The following SECISBP2L variants were observed in gnomAD, a reference collection of about 807,000 sequenced individuals.
The protein encoded by SECISBP2L is selenocysteine insertion sequence-binding protein 2-like.
A neutral mutation model predicts 114.7 loss-of-function variants in SECISBP2L; 43 were observed. The observed-to-expected ratio is 0.38, with a 90% confidence interval of 0.29 to 0.48. The LOEUF is 0.48. Ranked by LOEUF, SECISBP2L falls within the 20% of genes least tolerant of loss-of-function variation. The pLI, the probability that SECISBP2L is intolerant of heterozygous loss-of-function variation, is 0.98. For synonymous variants in SECISBP2L, 451 were observed against 439.7 expected, an observed-to-expected ratio of 1.03 and a Z score of -0.32; for missense variants, 1,136 against 1,301.1, an observed-to-expected ratio of 0.87 and a Z score of 1.95.
At chr15:49,017,417 G>C in intron 9 of SECISBP2L, 131 bp downstream of exon 9, 1 of 617,982 alleles carries the variant, frequency 1.6e-6, no homozygotes, top group Non-Finnish European at 2.8e-6. Flanking sequence ...ATTAAAGATA[G>C]GTACTAAACA....
chr15:49,046,217 C>G, intron 1 of SECISBP2L, 59 bp downstream of exon 1: 1 of 1,555,606 alleles, frequency 6.4e-7, no homozygotes, highest in Non-Finnish European at 8.7e-7. Flanking sequence ...TGGGCCTGGC[C>G]TGTGAGGAAG....
intron 2 of SECISBP2L, among the ~76,000 whole-genome samples, chr15:49,036,126 C>G (rs1448352478): frequency 6.6e-6 from 1 of 152,150 alleles, no homozygotes; most frequent in Non-Finnish European, 1.5e-5. Flanking sequence ...AATCTCAGAG[C>G]CTCCTACTCC....
chr15:49,038,487 TAAAGA>T (rs919273776), intron 1 of SECISBP2L, among the ~76,000 whole-genome samples: 3 of 148,164 alleles, frequency 2.0e-5, no homozygotes, highest in Non-Finnish European at 3.0e-5. Context: ...AACAAAACTA[TAAAGA>T]AAAGTAAATA....
chr15:49,011,491 A>G, intron 13 of SECISBP2L: 1 of 369,404 alleles, frequency 2.7e-6, no homozygotes, highest in Non-Finnish European at 4.8e-6. Context: ...AGAATTCACT[A>G]CAAATTCAGG....
chr15:49,045,505 A>G (rs1469323905), intron 1 of SECISBP2L, among the ~76,000 whole-genome samples: 1 of 152,200 alleles, frequency 6.6e-6, no homozygotes, highest in African/African-American at 2.4e-5. Context: ...TGGGGGGGAA[A>G]CTATTGTTTT....
intron 16 of SECISBP2L, among the ~76,000 whole-genome samples, chr15:48,997,929 T>C (rs1902128253): frequency 6.6e-6 from 1 of 152,144 alleles, no homozygotes; most frequent in Non-Finnish European, 1.5e-5. Context: ...TCAATAACCA[T>C]GATACCGAAT....
intron 7 of SECISBP2L, among the ~76,000 whole-genome samples, chr15:49,022,630 T>C (rs1437781835): frequency 1.3e-5 from 2 of 152,078 alleles, no homozygotes; most frequent in African/African-American, 2.4e-5. Context: ...TAGGAAGACA[T>C]ACTGTTTTTG....
chr15:49,033,240 A>G, intron 3 of SECISBP2L, 140 bp from the exon 4 acceptor site: 1 of 999,936 alleles, frequency 1.0e-6, no homozygotes, highest in Non-Finnish European at 1.4e-6. Flanking sequence ...CCATGGGGAA[A>G]TAGTACTAGG....
intron 17 of SECISBP2L, among the ~76,000 whole-genome samples, chr15:48,994,397 A>G (rs1358852679): frequency 6.6e-6 from 1 of 152,152 alleles, no homozygotes; most frequent in South Asian, 2.1e-4. Flanking sequence ...ATCATTGTCT[A>G]ACTGGCTTTT....
Position 49,035,416 on chromosome 15 carries a change from T to C in SECISBP2L, c.446A>G (p.Glu149Gly). Residue 149 changes from glutamate (E) to glycine (G), a missense_variant, in exon 3 of 18, where the codon GAG (glutamate) becomes GGG (glycine). This residue lies in a region of SECISBP2L where 452 missense variants were observed against 452.3 expected (regional missense o/e 1.00). Coordinates refer to ENST00000559471, the MANE Select transcript of SECISBP2L (RefSeq NM_001193489.2). The part of the protein sequence containing the change: ...TVNAITTECT[E>G]RPSQLGQVFP... ...GACCTGTCCAAGCTGACTTGGACGC[T>C]CAGTGCATTCTGTGGTGATAGCATT... is the stretch of plus-strand genomic sequence containing the variant. 6.2e-7 allele frequency: 1 copy of C among 1,614,218 alleles called. No individual in the cohort carries two copies. Among genetic ancestry groups the C allele is most frequent in the Non-Finnish European group, 8.5e-7 (1 of 1,180,030 alleles).
At chr15:48,993,165 T>C (rs1435998264) in intron 17 of SECISBP2L, among the ~76,000 whole-genome samples, 1 of 150,368 alleles carries the variant, frequency 6.7e-6, no homozygotes, top group Non-Finnish European at 1.5e-5. Flanking sequence ...CTTGCTCTTT[T>C]AGGCTGGAAT....
chr15:49,010,716 TG>T (rs1902420718), intron 13 of SECISBP2L, among the ~76,000 whole-genome samples: 1 of 152,198 alleles, frequency 6.6e-6, no homozygotes, highest in Admixed American at 6.5e-5. Context: ...TTTGCCTTGT[TG>T]TCCAGGCTGG....
rs199674722 is a variant in SECISBP2L at position 49,012,666 on chromosome 15, T to A, written c.1713A>T (p.Arg571=). 6.2e-7 allele frequency: 1 copy of A among 1,613,234 alleles called. No homozygotes were observed. The highest frequency in any genetic ancestry group is 8.5e-7 in the Non-Finnish European group (1 of 1,179,866). ...GKEKEIAKLK[R]PTALKKVILK... is the part of the protein sequence containing the mutation. ...GGTTTACCTTTTTAAGTGCTGTGGG[T>A]CGTTTTAGTTTTGCAATTTCCTTCT... Residue 571 remains arginine (R), a synonymous_variant, in exon 12 of 18, where the codon CGA becomes CGT. Coordinates refer to ENST00000559471, the MANE Select transcript of SECISBP2L (RefSeq NM_001193489.2).
chr15:49,008,431 TTTCCTTC>T (rs1035232674), intron 14 of SECISBP2L, among the ~76,000 whole-genome samples: 1 of 152,236 alleles, frequency 6.6e-6, no homozygotes, highest in Non-Finnish European at 1.5e-5. Flanking sequence ...TTTTTCCCTT[TTTCCTTC>T]AAGCTGTTCA....
chr15:49,015,843 G>C (rs1902524787), intron 11 of SECISBP2L, among the ~76,000 whole-genome samples: 1 of 152,112 alleles, frequency 6.6e-6, no homozygotes, highest in South Asian at 2.1e-4. Flanking sequence ...AAAAAATTTG[G>C]GTGAGTCAAA....
At chr15:49,044,920 G>A (rs537901116) in intron 1 of SECISBP2L, among the ~76,000 whole-genome samples, 1 of 152,240 alleles carries the variant, frequency 6.6e-6, no homozygotes, top group South Asian at 2.1e-4. Flanking sequence ...CCTTTCATTA[G>A]TAACACACAT....
intron 4 of SECISBP2L, among the ~76,000 whole-genome samples, chr15:49,032,300 A>G (rs1451142827): frequency 6.6e-6 from 1 of 152,192 alleles, no homozygotes; most frequent in Non-Finnish European, 1.5e-5. Flanking sequence ...ATAAACATCT[A>G]CTCTACAGAT....
At chr15:49,017,757 C>G in intron 8 of SECISBP2L, 129 bp from the exon 9 acceptor site, 2 of 592,768 alleles carry the variant, frequency 3.4e-6, no homozygotes, top group Non-Finnish European at 5.6e-6. Flanking sequence ...CAAAGTCGGT[C>G]TTAAAGAGGA....
intron 16 of SECISBP2L, 51 bp downstream of exon 16, chr15:48,999,782 T>C (rs997758681): frequency 6.3e-7 from 1 of 1,580,220 alleles, no homozygotes; most frequent in Non-Finnish European, 8.6e-7. Flanking sequence ...AAAAATGTGC[T>C]ATCTGGGGGA....
Sources: allele counts gnomAD v4.1 joint callset (sites outside exome capture counted in the v4.1 genomes callset), GRCh38; gene constraint gnomAD v4.1.1; regional missense constraint gnomAD v4.1.1; transcripts MANE v1.5; gene names NCBI Gene and HGNC (gene_info 2026-07-23, HGNC 2026-07-21).